NLRP13: variants seen among roughly 807,000 people sequenced by gnomAD.
NLRP13 encodes NLR family pyrin domain containing 13, also known as NACHT, LRR and PYD domains-containing protein 13.
A neutral mutation model predicts 94.4 loss-of-function variants in NLRP13; 82 were observed. That is an observed-to-expected ratio of 0.87 (90% CI 0.73 to 1.04). The LOEUF is 1.04. Among genes scored for constraint, NLRP13 ranks in the 50% least tolerant of loss-of-function variants. NLRP13 has a pLI of 0.00. For synonymous variants in NLRP13, 553 were observed against 464.7 expected (o/e 1.19, Z -2.45); for missense variants, 1,426 against 1,230.8 (o/e 1.16, Z -2.37).
rs750434090 is a variant in NLRP13, at chr19:55,911,995, T to C, written c.1822A>G (p.Ile608Val). 4.3e-6 allele frequency: 7 copies of C among 1,614,168 alleles called. No homozygotes were observed. The South Asian group carries it at 5.5e-5, about 13-fold the overall frequency. The change falls in exon 5 of 11, where the codon ATA becomes GTA. Residue 608 changes from isoleucine to valine, a missense_variant. Physicochemically the swap from Ile to Val is conservative, Grantham distance 29. Transcript: ENST00000342929. ...RELEDTLHCK[I>V]SPRVMEELLK... ...AATTCCTCCATTACCCTGGGAGATATTTTACAATGCAAAGTATCTTCCAGT... is the reference window on the plus strand; with the variant it reads ...AATTCCTCCATTACCCTGGGAGATACTTTACAATGCAAAGTATCTTCCAGT...
At chr19:55,907,684 G>A in intron 7 of NLRP13, 108 bp downstream of exon 7, 5 of 1,038,526 alleles carry the variant, frequency 4.8e-6, no homozygotes, top group Non-Finnish European at 7.4e-6. Context: ...ATCCTTCTCT[G>A]TCTCCTTTTG....
intron 1 of NLRP13, among the ~76,000 whole-genome samples, chr19:55,928,814 T>C (rs1205644103): frequency 6.6e-6 from 1 of 152,186 alleles, no homozygotes; most frequent in African/African-American, 2.4e-5. Flanking sequence ...AAAGAGCTTC[T>C]GCACAGCAGA....
intron 6 of NLRP13, among the ~76,000 whole-genome samples, chr19:55,908,396 G>C (rs1030075913): frequency 3.9e-5 from 6 of 152,124 alleles, no homozygotes; most frequent in African/African-American, 1.4e-4. Context: ...AATTTAAAAA[G>C]AAGACTGCCC....
In NLRP13 at chr19:55,910,729, T is replaced by C. The variant is rs771574806; in HGVS notation, c.2116A>G (p.Ser706Gly). Residue 706 changes from serine (S) to glycine (G), a missense_variant, in exon 6 of 11, where the codon AGC (serine) becomes GGC (glycine). Coordinates refer to ENST00000342929, the MANE Select transcript of NLRP13 (RefSeq NM_176810.2). ...GCGTGCATCCTGGAATCAAACTTGC[T>C]TGTCCTTCATGAGGGAGAGACAGAA... is the stretch of plus-strand genomic sequence containing the variant. ...LERDLEILET[S>G]KFDSRMHAWN... The C allele has an allele frequency of 1.2e-6, 2 of 1,606,308 alleles. No homozygotes were observed. Among genetic ancestry groups the C allele is most frequent in the African/African-American group, 2.7e-5 (2 of 74,794 alleles).
At chr19:55,901,087 T>C (rs114189584) in intron 9 of NLRP13, among the ~76,000 whole-genome samples, 2,230 of 152,288 alleles carry the variant, frequency 0.015, 53 homozygotes, top group African/African-American at 0.051. Context: ...CTTGGCATGA[T>C]TGCCACAGCT....
At chr19:55,916,933 G>A (rs1470713783) in intron 4 of NLRP13, among the ~76,000 whole-genome samples, 2 of 152,006 alleles carry the variant, frequency 1.3e-5, no homozygotes, top group African/African-American at 4.8e-5. Flanking sequence ...TAAGTTTAAT[G>A]TGAAGGAAAA....
intron 1 of NLRP13, among the ~76,000 whole-genome samples, chr19:55,926,807 A>T (rs1986976454): frequency 1.3e-5 from 2 of 152,226 alleles, no homozygotes; most frequent in Non-Finnish European, 2.9e-5. Context: ...AATGCAATGC[A>T]TGAAGAATAT....
intron 1 of NLRP13, among the ~76,000 whole-genome samples, chr19:55,925,859 A>G (rs1356607003): frequency 2.0e-5 from 3 of 152,074 alleles, no homozygotes; most frequent in Admixed American, 1.3e-4. Flanking sequence ...CAGATGTTCC[A>G]TGTTCCTTCA....
At chr19:55,916,488 G>A (rs1229875365) in intron 4 of NLRP13, among the ~76,000 whole-genome samples, 2 of 152,044 alleles carry the variant, frequency 1.3e-5, no homozygotes, top group Admixed American at 6.5e-5. Context: ...ATAAATTCAG[G>A]ATATGAATGA....
rs1201547374 is a variant in NLRP13, at chr19:55,907,932, C to T, written c.2307G>A (p.Trp769Ter). 6.2e-7 allele frequency: 1 copy of T among 1,610,762 alleles called. No homozygotes were observed. The highest frequency in any genetic ancestry group is 8.5e-7 in the Non-Finnish European group (1 of 1,177,958). ...KLTCKSVTPE[W>*]VLQDLIIALQ... ...GGGCAATAATGAGGTCCTGCAGAAC[C>T]CACTCAGGAGTTACCGATTTGCACC... Residue 769 changes from tryptophan (W) to a stop codon, truncating the protein, a stop_gained, in exon 7 of 11, where the codon TGG becomes TGA. Transcript: ENST00000342929. LOFTEE classifies it high-confidence loss of function.
chr19:55,903,495 G>A (rs527710662), intron 8 of NLRP13, among the ~76,000 whole-genome samples: 14 of 152,184 alleles, frequency 9.2e-5, no homozygotes, highest in Admixed American at 7.2e-4. Context: ...CTCTTTGTGC[G>A]TCCACCACTG....
At chr19:55,924,907 C>G in intron 2 of NLRP13, 60 bp downstream of exon 2, 1 of 1,367,214 alleles carries the variant, frequency 7.3e-7, no homozygotes, top group Non-Finnish European at 1.0e-6. Flanking sequence ...GGATGTGGAC[C>G]AGTGAATGAG....
chr19:55,892,278 A>G, downstream of NLRP13, among the ~76,000 whole-genome samples: 1 of 152,120 alleles, frequency 6.6e-6, no homozygotes, highest in Non-Finnish European at 1.5e-5. Context: ...CCAGGTAGTG[A>G]GTATAGCACC....
rs2123158123 is a variant in NLRP13 at position 55,932,300 on chromosome 19, A to G, written c.12T>C (p.Ser4=). Residue 4 remains serine (S), a synonymous_variant, in exon 1 of 11, where the codon TCT becomes TCC. Coordinates refer to ENST00000342929, the MANE Select transcript of NLRP13 (RefSeq NM_176810.2). MNF[S]VITCPNGGTN... is the part of the protein sequence containing the mutation. Reference sequence around the variant, plus strand: ...TACCACCGTTGGGGCAGGTGATTACAGAAAAGTTCATCTTGCCCAACACAT... The same window carrying G: ...TACCACCGTTGGGGCAGGTGATTACGGAAAAGTTCATCTTGCCCAACACAT... 1 of 1,603,946 alleles carries G rather than the reference A, an allele frequency of 6.2e-7. No homozygotes were observed. The highest frequency in any genetic ancestry group is 2.2e-5 in the East Asian group (1 of 44,850).
Position 55,913,269 on chromosome 19 carries a change from T to G in NLRP13, c.548A>C (p.Asn183Thr), listed in dbSNP as rs146383028. The G allele has an allele frequency of 1.3e-5, 21 of 1,613,944 alleles. No individual in the cohort carries two copies. Among genetic ancestry groups the G allele is most frequent in the Non-Finnish European group, 1.5e-5 (18 of 1,179,974 alleles). The stretch of plus-strand genomic sequence containing the variant: ...TGTCTCCAGTAGTTCAGCCTTCATG[T>G]TCTCTCTGTATTTTCTTCTGTGGTC... ...EADHRRKYRE[N>T]MKAELLETWD... The change falls in exon 5 of 11, where the codon AAC (asparagine) becomes ACC (threonine). Residue 183 changes from asparagine (N) to threonine (T), a missense_variant. Physicochemically the swap from Asn to Thr is moderately conservative, Grantham distance 65. Coordinates refer to ENST00000342929, the MANE Select transcript of NLRP13 (RefSeq NM_176810.2).
At position 55,911,942 on chromosome 19, in the gene NLRP13, C is replaced by T; in HGVS notation, c.1875G>A (p.Lys625=). Residue 625 remains lysine (K), a synonymous_variant, in exon 5 of 11, where the codon AAG becomes AAA. Transcript: ENST00000342929. ...ELLKWGEELG[K]AESASLQFHI... ...GAAATTGGAGAGAGGCACTTTCAGC[C>T]TTACCTAACTCTTCTCCCCACTTTA... 6.2e-7 allele frequency: 1 copy of T among 1,614,202 alleles called. No homozygotes were observed. Among genetic ancestry groups the T allele is most frequent in the Non-Finnish European group, 8.5e-7 (1 of 1,180,028 alleles).
rs1030258649 is a variant in NLRP13 at position 55,913,110 on chromosome 19, C to T, written c.707G>A (p.Arg236Lys). 1 of 1,614,140 alleles carries T rather than the reference C, an allele frequency of 6.2e-7. No homozygotes were observed. Among genetic ancestry groups the T allele is most frequent in the East Asian group, 2.2e-5 (1 of 44,868 alleles). Residue 236 changes from arginine to lysine, a missense_variant, in exon 5 of 11, where the codon AGG becomes AAG. Physicochemically the swap from Arg to Lys is conservative, Grantham distance 26 (BLOSUM62 2). Coordinates refer to ENST00000342929, the MANE Select transcript of NLRP13 (RefSeq NM_176810.2). ...AQAQTIVLVG[R>K]AGVGKTTLAM... ...CAAGGTGGTCTTCCCAACCCCTGCC[C>T]TCCCCACCAAGACTATCGTCTGGGC...
At chr19:55,892,707 C>T (rs534220709), downstream of NLRP13, among the ~76,000 whole-genome samples, 6 of 152,316 alleles carry the variant, frequency 3.9e-5, no homozygotes, top group Admixed American at 3.3e-4. Flanking sequence ...AGGCATGAGC[C>T]ACCATGCCTG....
Position 55,907,785 on chromosome 19 carries a change from G to T in NLRP13, c.2447+7C>A, listed in dbSNP as rs746424178. ...CCCTTGACAGATCTAGGGAGCCAAA[G>T]ACTTACCACAGATACTTGAGGTTGC... On this transcript the variant is annotated splice_region_variant and intron_variant, in intron 7 of 10. Coordinates refer to ENST00000342929, the MANE Select transcript of NLRP13 (RefSeq NM_176810.2). The T allele has an allele frequency of 6.2e-7, 1 of 1,613,636 alleles. No individual in the cohort carries two copies. The highest frequency in any genetic ancestry group is 2.2e-5 in the East Asian group (1 of 44,830).
Sources: allele counts gnomAD v4.1 joint callset (sites outside exome capture counted in the v4.1 genomes callset), GRCh38; gene constraint gnomAD v4.1.1; transcripts MANE v1.5; gene names NCBI Gene and HGNC (gene_info 2026-07-23, HGNC 2026-07-21).